The following PFDN1 variants were observed in gnomAD, a reference collection of about 807,000 sequenced individuals.
PFDN1 encodes prefoldin subunit 1, also known as prefoldin 1.
A neutral mutation model predicts 17.3 loss-of-function variants in PFDN1; 6 were observed. That is an observed-to-expected ratio of 0.35 (90% confidence interval 0.19 to 0.69). PFDN1 has a LOEUF of 0.69. PFDN1 is among the 30% of genes least tolerant of loss of function. The pLI is 0.65. For synonymous variants in PFDN1, 58 were observed against 50.1 expected (o/e 1.16, Z -0.67); for missense variants, 113 against 146.2 (o/e 0.77, Z 1.17).
At chr5:140,302,694 G>C (rs1236194628) in intron 1 of PFDN1, among the ~76,000 whole-genome samples, 2 of 152,162 alleles carry the variant, frequency 1.3e-5, no homozygotes, top group East Asian at 1.9e-4. Context: ...CAAGGGGTCC[G>C]AAGGGACCCC....
intron 2 of PFDN1, among the ~76,000 whole-genome samples, chr5:140,285,621 T>C (rs1765476137): frequency 6.6e-6 from 1 of 152,232 alleles, no homozygotes; most frequent in South Asian, 2.1e-4. Context: ...GTAGATACCC[T>C]GAACACTCCT....
At chr5:140,262,501 G>A (rs1446722642) in intron 3 of PFDN1, 8 of 455,870 alleles carry the variant, frequency 1.8e-5, no homozygotes, top group Non-Finnish European at 3.5e-5. Flanking sequence ...ATGGCTATTA[G>A]AAAATAAGAG....
At chr5:140,288,442 T>A (rs1384219524) in intron 2 of PFDN1, among the ~76,000 whole-genome samples, 1 of 152,072 alleles carries the variant, frequency 6.6e-6, no homozygotes, top group Non-Finnish European at 1.5e-5. Context: ...GAAGAACAGG[T>A]GGAGCACAAG....
chr5:140,274,360 C>A (rs1311433982), intron 3 of PFDN1, among the ~76,000 whole-genome samples: 1 of 152,112 alleles, frequency 6.6e-6, no homozygotes, highest in Admixed American at 6.5e-5. Flanking sequence ...TAAAATTATG[C>A]TTGGGTACTT....
chr5:140,298,598 C>A (rs1296469155), intron 2 of PFDN1, among the ~76,000 whole-genome samples: 2 of 151,900 alleles, frequency 1.3e-5, no homozygotes, highest in Admixed American at 1.3e-4. Context: ...TTCTCTCTCA[C>A]AAGGGCAATA....
chr5:140,252,701 A>G (rs1423130930), intron 3 of PFDN1, among the ~76,000 whole-genome samples: 1 of 152,234 alleles, frequency 6.6e-6, no homozygotes, highest in East Asian at 1.9e-4. Context: ...TGAGGGCTGA[A>G]GAAGCATGTT....
intron 3 of PFDN1, among the ~76,000 whole-genome samples, chr5:140,256,742 T>C (rs935258373): frequency 7.0e-6 from 1 of 143,362 alleles, no homozygotes; most frequent in African/African-American, 2.5e-5. Flanking sequence ...TTTTCCTCAA[T>C]CCCCACACCT....
intron 3 of PFDN1, among the ~76,000 whole-genome samples, chr5:140,280,006 A>C (rs1765367348): frequency 7.0e-6 from 1 of 143,188 alleles, no homozygotes; most frequent in Admixed American, 6.8e-5. Context: ...AAAAAAAAAA[A>C]AAAAAAACAA....
chr5:140,267,100 A>C (rs1454109079), intron 3 of PFDN1, among the ~76,000 whole-genome samples: 1 of 152,104 alleles, frequency 6.6e-6, no homozygotes, highest in African/African-American at 2.4e-5. Flanking sequence ...GTGTACTGGA[A>C]TCACACATGC....
intron 3 of PFDN1, among the ~76,000 whole-genome samples, chr5:140,275,302 G>A (rs998049898): frequency 2.6e-5 from 4 of 151,812 alleles, no homozygotes; most frequent in Non-Finnish European, 4.4e-5. Context: ...CCAGCTACTC[G>A]GGAGGCTGAA....
chr5:140,279,434 G>C (rs188689852), intron 3 of PFDN1, among the ~76,000 whole-genome samples: 7 of 151,510 alleles, frequency 4.6e-5, no homozygotes, highest in Admixed American at 4.6e-4. Flanking sequence ...ATATTCACCA[G>C]AACTCAGCAG....
At chr5:140,299,958 G>A (rs948314835) in intron 2 of PFDN1, among the ~76,000 whole-genome samples, 2 of 152,122 alleles carry the variant, frequency 1.3e-5, no homozygotes, top group East Asian at 1.9e-4. Context: ...ATTGCAGTGA[G>A]CCAAGATCGG....
At chr5:140,262,525 T>G (rs1254169803) in intron 3 of PFDN1, 1 of 456,216 alleles carries the variant, frequency 2.2e-6, no homozygotes, top group African/African-American at 2.0e-5. Flanking sequence ...CAGATCAAAC[T>G]GACCTGCTGG....
At chr5:140,302,828 G>A (rs1765768102) in intron 1 of PFDN1, among the ~76,000 whole-genome samples, 3 of 151,882 alleles carry the variant, frequency 2.0e-5, no homozygotes, top group Admixed American at 6.6e-5. Context: ...AGACTTACCC[G>A]ACCCAGACCA....
intron 3 of PFDN1, among the ~76,000 whole-genome samples, chr5:140,258,261 G>A (rs1022796962): frequency 3.3e-5 from 5 of 152,056 alleles, no homozygotes; most frequent in African/African-American, 7.3e-5. Context: ...TCCCAAAAAC[G>A]TCCTATGAGT....
At chr5:140,265,032 C>T (rs1434325870) in intron 3 of PFDN1, among the ~76,000 whole-genome samples, 1 of 152,138 alleles carries the variant, frequency 6.6e-6, no homozygotes, top group African/African-American at 2.4e-5. Context: ...ACCCACCTCC[C>T]TCAAATTTTA....
At chr5:140,301,313 T>C (rs1004413383) in intron 1 of PFDN1, among the ~76,000 whole-genome samples, 4 of 152,180 alleles carry the variant, frequency 2.6e-5, no homozygotes, top group African/African-American at 9.7e-5. Context: ...GGCAAAAGAA[T>C]TGCATCATGA....
intron 2 of PFDN1, among the ~76,000 whole-genome samples, chr5:140,296,373 T>C (rs1415350113): frequency 6.6e-6 from 1 of 152,160 alleles, no homozygotes; most frequent in Non-Finnish European, 1.5e-5. Context: ...ATAATATATA[T>C]ACATGGTCTC....
chr5:140,266,173 G>A (rs1178557586), intron 3 of PFDN1, among the ~76,000 whole-genome samples: 1 of 152,116 alleles, frequency 6.6e-6, no homozygotes, highest in Non-Finnish European at 1.5e-5. Flanking sequence ...CTTAATCACA[G>A]GCCCAAAACT....
Sources: allele counts gnomAD v4.1 joint callset (sites outside exome capture counted in the v4.1 genomes callset), GRCh38; gene constraint gnomAD v4.1.1; transcripts MANE v1.5; gene names NCBI Gene and HGNC (gene_info 2026-07-23, HGNC 2026-07-21).